The following TSHR variants were observed in gnomAD, a reference collection of about 807,000 sequenced individuals.
The protein encoded by TSHR is thyrotropin receptor.
Under a neutral mutation model 64.1 loss-of-function variants are expected in TSHR, and 51 were observed. The observed-to-expected ratio is 0.80, with a 90% CI of 0.64 to 1.01. The LOEUF is 1.01. Ranked by LOEUF, TSHR falls within the 50% of genes least tolerant of loss-of-function variation. The pLI is 0.00. For missense variants in TSHR, 877 were observed against 942.8 expected (o/e 0.93, Z 0.91); for synonymous variants, 361 against 361.9 (o/e 1.00, Z 0.03).
intron 1 of TSHR, among the ~76,000 whole-genome samples, chr14:81,048,255 G>GT (rs1885265744): frequency 1.3e-5 from 2 of 152,018 alleles, no homozygotes; most frequent in Admixed American, 6.6e-5. Context: ...GCTGAATTCA[G>GT]TTTTTTCATG....
intron 1 of TSHR, among the ~76,000 whole-genome samples, chr14:80,971,923 C>G (rs1414169466): frequency 3.3e-5 from 5 of 152,218 alleles, no homozygotes; most frequent in Admixed American, 3.3e-4. Context: ...TCCAGCAACA[C>G]TTTTAATCAA....
chr14:80,969,245 A>C (rs2139699170), intron 1 of TSHR, among the ~76,000 whole-genome samples: 1 of 152,288 alleles, frequency 6.6e-6, no homozygotes, highest in South Asian at 2.1e-4. Flanking sequence ...ATGACAGGGC[A>C]CATAGTGAGA....
rs761667151 is a variant in TSHR, at chr14:81,143,501, C to A, written c.1443C>A (p.Tyr481Ter). The A allele has an allele frequency of 6.2e-7, 1 of 1,613,996 alleles. No homozygotes were observed. Among genetic ancestry groups the A allele is most frequent in the Non-Finnish European group, 8.5e-7 (1 of 1,180,048 alleles). Residue 481 changes from tyrosine to a stop codon, truncating the protein, a stop_gained, in exon 10 of 10, where the codon TAC (tyrosine) becomes TAA (stop). Transcript: ENST00000298171. LOFTEE classifies it high-confidence loss of function. ...ASVDLYTHSE[Y>*]YNHAIDWQTG... ...TAGACCTCTACACTCACTCTGAGTACTACAACCATGCCATCGACTGGCAGA... is the reference window on the plus strand; with the variant it reads ...TAGACCTCTACACTCACTCTGAGTAATACAACCATGCCATCGACTGGCAGA...
chr14:81,096,769 G>C, intron 7 of TSHR, 62 bp downstream of exon 7: 1 of 1,537,904 alleles, frequency 6.5e-7, no homozygotes, highest in East Asian at 2.3e-5. Context: ...ATCCAATGGG[G>C]CAGAATGCTG....
rs141789193 is a variant in TSHR, at chr14:80,974,536, A to G, written c.170+18686A>G. Among the ~76,000 whole-genome samples the G allele has an allele frequency of 3.1e-3, 466 of 152,280 alleles. 1 individual carries two copies. The highest frequency in any genetic ancestry group is 5.3e-3 in the Non-Finnish European group (363 of 68,036). Reference sequence around the variant, plus strand: ...CCTTATGTAGCATAACCAAATTGCCATTTCACAACCACCCTCAATCCCTGG... The same window carrying G: ...CCTTATGTAGCATAACCAAATTGCCGTTTCACAACCACCCTCAATCCCTGG... On this transcript the variant is annotated intron_variant, in intron 1 of 9. Transcript: ENST00000298171.
chr14:81,027,036 C>CAA (rs1417772986), intron 1 of TSHR, among the ~76,000 whole-genome samples: 24 of 76,460 alleles, frequency 3.1e-4, no homozygotes, highest in African/African-American at 5.6e-4. Flanking sequence ...AACTCCATCT[C>CAA]AAAAAAAAAA....
intron 1 of TSHR, chr14:81,001,574 C>T (rs1214744761): frequency 1.9e-6 from 1 of 525,974 alleles, no homozygotes; most frequent in Non-Finnish European, 3.8e-6. Context: ...GTGTCCAGCC[C>T]CACTGCTTGG....
At chr14:81,024,397 C>T (rs766937714) in intron 1 of TSHR, among the ~76,000 whole-genome samples, 4 of 151,948 alleles carry the variant, frequency 2.6e-5, no homozygotes, top group African/African-American at 4.8e-5. Context: ...TACAGGTGCA[C>T]GCCACCATGC....
At chr14:81,122,184 C>G (rs908639002) in intron 8 of TSHR, among the ~76,000 whole-genome samples, 13 of 150,668 alleles carry the variant, frequency 8.6e-5, no homozygotes, top group African/African-American at 3.2e-4. Context: ...GCTGGGATTA[C>G]AGGTGCCAAC....
chr14:81,000,907 CACTT>C (rs1217130556), intron 1 of TSHR, among the ~76,000 whole-genome samples: 1 of 152,174 alleles, frequency 6.6e-6, no homozygotes, highest in East Asian at 1.9e-4. Flanking sequence ...CATTCTGTCT[CACTT>C]ACAGCTGGCA....
chr14:81,000,697 G>T (rs1412833335), intron 1 of TSHR, among the ~76,000 whole-genome samples: 5 of 152,020 alleles, frequency 3.3e-5, no homozygotes, highest in African/African-American at 1.2e-4. Context: ...TCTTCCTCAG[G>T]GGTCATGACA....
At position 81,065,528 on chromosome 14, in the gene TSHR, C is replaced by A. The variant is rs113398417; in HGVS notation, c.243-2726C>A. ...GACTGAGATATAGGAGACACCCAGG[C>A]AGATCTGAAGGCTCCACTGAGGCTT... On this transcript the variant is annotated intron_variant, in intron 2 of 9. Coordinates refer to ENST00000298171, the MANE Select transcript of TSHR (RefSeq NM_000369.5). 2.6e-3 allele frequency among the ~76,000 whole-genome samples: 401 copies of A among 152,242 alleles called. 7 individuals carry two copies. The Middle Eastern group carries it at 0.027, about 10-fold the overall frequency.
At chr14:81,127,948 T>C (rs1363655738) in intron 8 of TSHR, among the ~76,000 whole-genome samples, 1 of 152,190 alleles carries the variant, frequency 6.6e-6, no homozygotes, top group East Asian at 1.9e-4. Flanking sequence ...CTGGTTTCCT[T>C]TTGTCACTGT....
chr14:81,014,553 A>C (rs10483973), intron 1 of TSHR: 16,623 of 152,218 alleles, frequency 0.11, 2,616 homozygotes, highest in African/African-American at 0.35. Context: ...CCTGTCAATA[A>C]AAACCCTGAG....
intron 2 of TSHR, among the ~76,000 whole-genome samples, chr14:81,067,050 C>T (rs1231852895): frequency 1.3e-5 from 2 of 152,102 alleles, no homozygotes; most frequent in East Asian, 1.9e-4. Flanking sequence ...ATTTGAATTA[C>T]TTTTTGCTTA....
chr14:81,001,522 TG>T, intron 1 of TSHR: 1 of 405,402 alleles, frequency 2.5e-6, no homozygotes, highest in Non-Finnish European at 4.6e-6. Context: ...TTTATAAACA[TG>T]TGCAGCAAAA....
At chr14:81,041,949 A>C (rs141775791) in intron 1 of TSHR, among the ~76,000 whole-genome samples, 555 of 152,310 alleles carry the variant, frequency 3.6e-3, no homozygotes, top group Middle Eastern at 0.01. Context: ...AATATATTCC[A>C]ACCCTTAAAT....
At position 81,047,245 on chromosome 14, in the gene TSHR, A is replaced by G. The variant is rs1885207075; in HGVS notation, c.171-14903A>G. On this transcript the variant is annotated intron_variant, in intron 1 of 9. Transcript: ENST00000298171. Reference sequence around the variant, plus strand: ...ACCTGAAATGCAAATCAAGAATGGGAAGAACTCGCTTTTTGGCCGTTTTTC... The same window carrying G: ...ACCTGAAATGCAAATCAAGAATGGGGAGAACTCGCTTTTTGGCCGTTTTTC... Among the ~76,000 whole-genome samples the G allele has an allele frequency of 2.6e-5, 4 of 152,116 alleles. No homozygotes were observed. The South Asian group carries it at 8.3e-4, about 32-fold the overall frequency.
intron 1 of TSHR, among the ~76,000 whole-genome samples, chr14:81,035,840 T>C (rs1231920630): frequency 6.6e-6 from 1 of 151,872 alleles, no homozygotes; most frequent in African/African-American, 2.4e-5. Context: ...TTCATTCAGA[T>C]GAATGGAGAG....
Sources: allele counts gnomAD v4.1 joint callset (sites outside exome capture counted in the v4.1 genomes callset), GRCh38; gene constraint gnomAD v4.1.1; transcripts MANE v1.5; gene names NCBI Gene and HGNC (gene_info 2026-07-23, HGNC 2026-07-21).